The following ZNF486 variants were observed in gnomAD, a reference collection of about 807,000 sequenced individuals.
The protein encoded by ZNF486 is zinc finger protein 486.
In ZNF486, 12 loss-of-function variants were observed where a neutral mutation model predicts 12.8. That is an observed-to-expected ratio of 0.94 (90% CI 0.60 to 1.52). The LOEUF is 1.52. Among genes scored for constraint, ZNF486 ranks in the 40% most tolerant of loss-of-function variants. The probability of loss-of-function intolerance (pLI) is 0.00; values close to 1 mark genes in which losing one functional copy is unlikely to be tolerated. For missense variants in ZNF486, 738 were observed against 545.0 expected, an observed-to-expected ratio of 1.35 and a Z score of -3.53; for synonymous variants, 231 against 184.9, an observed-to-expected ratio of 1.25 and a Z score of -2.02.
chr19:20,194,546 G>T (rs1012350912), intron 3 of ZNF486, among the ~76,000 whole-genome samples: 6 of 152,148 alleles, frequency 3.9e-5, no homozygotes, highest in African/African-American at 1.4e-4. Context: ...GGCTAACATG[G>T]TGAAACCCTG....
intron 2 of ZNF486, among the ~76,000 whole-genome samples, chr19:20,185,697 T>C (rs1333258088): frequency 3.3e-5 from 5 of 151,914 alleles, no homozygotes; most frequent in Non-Finnish European, 7.4e-5. Context: ...TGTGAGCCAC[T>C]GCAACTGGCC....
At chr19:20,195,071 G>A (rs1290650574) in intron 3 of ZNF486, among the ~76,000 whole-genome samples, 1 of 152,038 alleles carries the variant, frequency 6.6e-6, no homozygotes. Context: ...GCAGTGGCGT[G>A]TTCTCAGCCA....
At chr19:20,174,120 G>A (rs1163456125) in intron 1 of ZNF486, among the ~76,000 whole-genome samples, 1 of 152,008 alleles carries the variant, frequency 6.6e-6, no homozygotes, top group Admixed American at 6.6e-5. Context: ...ACAAAGATAG[G>A]ATCAAATTTA....
Position 20,198,117 on chromosome 19 carries a change from A to C in ZNF486, c.*15A>C. 6.6e-7 allele frequency: 1 copy of C among 1,520,274 alleles called. No homozygotes were observed. Among genetic ancestry groups the C allele is most frequent in the East Asian group, 2.5e-5 (1 of 40,702 alleles). The allele number at this position is 1,520,274 out of a possible 1,614,324, so 94.2% of individuals were successfully genotyped here. On this transcript the variant is annotated 3_prime_UTR_variant, in exon 4 of 4. Coordinates refer to ENST00000335117, the MANE Select transcript of ZNF486 (RefSeq NM_052852.4). ...CAAGAACGTGACAAAGGATTATTTT[A>C]TTATTATTATTTTTTTGAGAGGTAA...
At chr19:20,177,935 C>CTTTTTTTT (rs1241165221) in intron 1 of ZNF486, among the ~76,000 whole-genome samples, 1 of 145,096 alleles carries the variant, frequency 6.9e-6, no homozygotes, top group African/African-American at 2.7e-5. Flanking sequence ...AACATTTGTT[C>CTTTTTTTT]TTTTTTTTTG....
In ZNF486 at chr19:20,197,701, T is replaced by C. The variant is rs1411174067; in HGVS notation, c.991T>C (p.Phe331Leu). The C allele has an allele frequency of 3.7e-6, 6 of 1,613,614 alleles. No homozygotes were observed. The highest frequency in any genetic ancestry group is 2.7e-5 in the African/African-American group (2 of 74,844). ...PYTCDKCGKA[F>L]ISSSILSKHE... ...CACGTGTGATAAATGTGGCAAAGCC[T>C]TTATTTCATCCTCGATCCTTAGTAA... The change falls in exon 4 of 4, where the codon TTT becomes CTT. Residue 331 changes from phenylalanine to leucine, a missense_variant. By Grantham distance (22) the Phe-to-Leu change is conservative. Transcript: ENST00000335117.
chr19:20,178,003 A>C (rs2089741605), intron 1 of ZNF486, among the ~76,000 whole-genome samples: 2 of 150,938 alleles, frequency 1.3e-5, no homozygotes, highest in African/African-American at 4.9e-5. Flanking sequence ...GGCTCGCTGC[A>C]ACCTCTGCCT....
chr19:20,169,888 G>GTTTTTTTT (rs781968530), intron 1 of ZNF486, among the ~76,000 whole-genome samples: 9 of 108,908 alleles, frequency 8.3e-5, no homozygotes, highest in Admixed American at 2.9e-4. Flanking sequence ...GGGGTTGTAT[G>GTTTTTTTT]TTTTTTTTTT....
intron 1 of ZNF486, among the ~76,000 whole-genome samples, chr19:20,168,509 C>G (rs1397503825): frequency 2.6e-5 from 4 of 151,928 alleles, no homozygotes; most frequent in African/African-American, 9.7e-5. Flanking sequence ...ACAAAATTAG[C>G]TGGGCTTGGT....
intron 1 of ZNF486, among the ~76,000 whole-genome samples, chr19:20,183,258 G>C (rs781982223): frequency 1.3e-5 from 2 of 152,114 alleles, no homozygotes; most frequent in African/African-American, 4.8e-5. Flanking sequence ...GGAAAATTGT[G>C]GTCCTTAGTA....
intron 3 of ZNF486, 30 bp from the exon 4 acceptor site, chr19:20,196,934 G>A (rs781990048): frequency 6.6e-7 from 1 of 1,517,540 alleles, no homozygotes; most frequent in African/African-American, 1.4e-5. Context: ...TCTAGCAATT[G>A]AAGTAATGTG....
At chr19:20,190,210 G>A (rs1293065489) in intron 3 of ZNF486, among the ~76,000 whole-genome samples, 1 of 152,080 alleles carries the variant, frequency 6.6e-6, no homozygotes, top group Non-Finnish European at 1.5e-5. Context: ...TTAACTGTAG[G>A]TTGTATTGAC....
Position 20,198,299 on chromosome 19 carries a change from C to G in ZNF486, c.*197C>G, listed in dbSNP as rs1599721297. 1 of 553,368 alleles carries G rather than the reference C, an allele frequency of 1.8e-6. No individual in the cohort carries two copies. The highest frequency in any genetic ancestry group is 3.2e-5 in the East Asian group (1 of 31,582). 34.3% of individuals were successfully genotyped at this position (553,368 alleles called of 1,614,324 possible). Reference sequence around the variant, plus strand: ...TGTATTTTTAGTAGAGATGGGGTTTCTCCATGTTGGTCAGGCTGGTCTCAA... The same window carrying G: ...TGTATTTTTAGTAGAGATGGGGTTTGTCCATGTTGGTCAGGCTGGTCTCAA... On this transcript the variant is annotated 3_prime_UTR_variant, in exon 4 of 4. Transcript: ENST00000335117.
intron 3 of ZNF486, among the ~76,000 whole-genome samples, chr19:20,186,784 G>GTTTTTTGTTTT (rs2089851666): frequency 8.2e-6 from 1 of 122,482 alleles, no homozygotes; most frequent in East Asian, 2.7e-4. Context: ...ATTTTCATAG[G>GTTTTTTGTTTT]TTTTTTTTTT....
intron 1 of ZNF486, among the ~76,000 whole-genome samples, chr19:20,168,349 A>T (rs1289893135): frequency 7.0e-6 from 1 of 143,790 alleles, no homozygotes; most frequent in East Asian, 2.1e-4. Flanking sequence ...ACAGAGCAAG[A>T]CTCCTTCACA....
At chr19:20,174,919 T>A (rs1490707741) in intron 1 of ZNF486, 1 of 152,214 alleles carries the variant, frequency 6.6e-6, no homozygotes, top group Non-Finnish European at 1.5e-5. Context: ...ACATGTGATG[T>A]GGCCACCCAA....
chr19:20,185,717 G>A (rs1237481696), intron 2 of ZNF486, among the ~76,000 whole-genome samples: 2 of 149,116 alleles, frequency 1.3e-5, no homozygotes, highest in East Asian at 4.0e-4. Flanking sequence ...CCTATTTATG[G>A]TTTTTAAAGT....
chr19:20,186,060 T>A lies in ZNF486; in HGVS notation c.231T>A (p.His77Gln), dbSNP rs1397100944. The A allele has an allele frequency of 3.1e-6, 5 of 1,593,180 alleles. No individual in the cohort carries two copies. Among genetic ancestry groups the A allele is most frequent in the Middle Eastern group, 1.7e-4 (1 of 6,034 alleles). ...QGIKPLTMKRHEMIAKPPVVC... is the reference protein window; with the variant it reads ...QGIKPLTMKRQEMIAKPPVVC... ...TAAAACCTCTGACTATGAAGAGACA[T>A]GAGATGATTGCCAAACCCCCAGGTA... Residue 77 changes from histidine to glutamine, a missense_variant, in exon 3 of 4, where the codon CAT becomes CAA. Physicochemically the swap from His to Gln is conservative, Grantham distance 24. Transcript: ENST00000335117.
chr19:20,187,363 T>C (rs1171006927), intron 3 of ZNF486, among the ~76,000 whole-genome samples: 1 of 152,160 alleles, frequency 6.6e-6, no homozygotes, highest in Non-Finnish European at 1.5e-5. Context: ...TTCTTTAATT[T>C]CAATGGATTT....
Sources: allele counts gnomAD v4.1 joint callset (sites outside exome capture counted in the v4.1 genomes callset), GRCh38; gene constraint gnomAD v4.1.1; transcripts MANE v1.5; gene names NCBI Gene and HGNC (gene_info 2026-07-23, HGNC 2026-07-21).